AFF3: variants seen among roughly 807,000 people sequenced by gnomAD.
AFF3 encodes the protein AF4/FMR2 family member 3.
In AFF3, 32 loss-of-function variants were observed where a neutral mutation model predicts 129.7. The ratio of observed to expected loss-of-function variants is 0.25; its 90% CI spans 0.19 to 0.33. AFF3 has a LOEUF of 0.33. Among genes scored for constraint, AFF3 ranks in the 10% least tolerant of loss-of-function variants. The probability of loss-of-function intolerance (pLI) is 1.00; values close to 1 mark genes in which losing one functional copy is unlikely to be tolerated. For missense variants in AFF3, 1,373 were observed against 1,592.0 expected (o/e 0.86, Z 2.34); for synonymous variants, 644 against 635.4 (o/e 1.01, Z -0.20).
In AFF3 at chr2:99,551,050, T is replaced by C. The variant is rs1156489981; in HGVS notation, c.*424A>G. The C allele has an allele frequency of 2.4e-6, 1 of 423,304 alleles. No individual in the cohort carries two copies. The highest frequency in any genetic ancestry group is 2.0e-5 in the African/African-American group (1 of 50,194). 26.2% of individuals were successfully genotyped at this position (423,304 alleles called of 1,614,324 possible). ...AGCTTTTGGTGTGCTGTATTGCACC[T>C]GGTTAACTAACCCATGAGATTTTGG... On this transcript the variant is annotated 3_prime_UTR_variant, in exon 25 of 25. Transcript: ENST00000672756.
At chr2:100,044,131 C>A (rs1000053393) in intron 4 of AFF3, among the ~76,000 whole-genome samples, 3 of 152,136 alleles carry the variant, frequency 2.0e-5, no homozygotes, top group African/African-American at 7.2e-5. Context: ...GGGTGGTGTG[C>A]GGCTGTCTTG....
intron 7 of AFF3, among the ~76,000 whole-genome samples, chr2:99,941,301 T>C (rs1675020972): frequency 6.6e-6 from 1 of 152,184 alleles, no homozygotes; most frequent in Non-Finnish European, 1.5e-5. Context: ...TTTAGAGGAT[T>C]GGGCAGCTCT....
rs751452786 is a variant in AFF3 at position 99,594,015 on chromosome 2, G to A, written c.1646C>T (p.Ser549Phe). 1.3e-6 allele frequency: 2 copies of A among 1,581,136 alleles called. No individual in the cohort carries two copies. The highest frequency in any genetic ancestry group is 2.7e-5 in the African/African-American group (2 of 73,628). Residue 549 changes from serine to phenylalanine, a missense_variant, in exon 15 of 25, where the codon TCC becomes TTC. By Grantham distance (155) the Ser-to-Phe change is radical. Around this residue, in one of 9 missense-constraint regions of AFF3, gnomAD observed 413 missense variants for 424.4 expected, o/e 0.97. Transcript: ENST00000672756. ...APGSKGVKQK[S>F]PPAAVAVAVS... The stretch of plus-strand genomic sequence containing the variant: ...CGCCACGGCCACGGCCGCGGGCGGG[G>A]ACTTCTGCTTCACGCCTTTACTCCC...
chr2:99,606,578 T>C lies in AFF3; in HGVS notation c.1185-4957A>G, dbSNP rs118073238. Among the ~76,000 whole-genome samples, 178 of 152,108 alleles carry C rather than the reference T, an allele frequency of 1.2e-3. 1 individual carries two copies. The East Asian group carries it at 0.024, about 21-fold the overall frequency. ...TTTTTTTTTTAAAAAAGAGATTGAA[T>C]CTTTCGAGAAGGTTATAATGTCACT... On this transcript the variant is annotated intron_variant, in intron 13 of 24. Transcript: ENST00000672756.
chr2:99,849,506 T>C (rs1034459852), intron 7 of AFF3, among the ~76,000 whole-genome samples: 2 of 152,152 alleles, frequency 1.3e-5, no homozygotes, highest in African/African-American at 4.8e-5. Flanking sequence ...CTGATTTCTC[T>C]AGACCATACG....
chr2:100,096,493 G>GTT (rs1690307522), intron 4 of AFF3, among the ~76,000 whole-genome samples: 1 of 151,968 alleles, frequency 6.6e-6, no homozygotes, highest in Admixed American at 6.5e-5. Context: ...ACACAAAGGT[G>GTT]TCCCCAAAAC....
chr2:99,662,137 TCA>T (rs1686295186), intron 12 of AFF3, among the ~76,000 whole-genome samples: 1 of 147,528 alleles, frequency 6.8e-6, no homozygotes, highest in African/African-American at 2.6e-5. Context: ...AGACTCTGTC[TCA>T]AAAAAAAAAA....
intron 13 of AFF3, among the ~76,000 whole-genome samples, chr2:99,604,359 A>T (rs948768427): frequency 6.6e-6 from 1 of 152,216 alleles, no homozygotes; most frequent in Non-Finnish European, 1.5e-5. Flanking sequence ...ATCTTTACCA[A>T]ACTAATGCAG....
At chr2:99,602,916 G>C (rs1679976959) in intron 13 of AFF3, among the ~76,000 whole-genome samples, 1 of 152,216 alleles carries the variant, frequency 6.6e-6, no homozygotes, top group African/African-American at 2.4e-5. Context: ...CACCAGACAA[G>C]AAACTGTCTT....
intron 4 of AFF3, among the ~76,000 whole-genome samples, chr2:100,045,223 T>C (rs1408506417): frequency 6.6e-6 from 1 of 151,954 alleles, no homozygotes; most frequent in East Asian, 1.9e-4. Flanking sequence ...GAGAAGACGG[T>C]GAGGTCACTC....
intron 8 of AFF3, among the ~76,000 whole-genome samples, chr2:99,827,229 C>T (rs1003743302): frequency 6.6e-6 from 1 of 152,022 alleles, no homozygotes; most frequent in Non-Finnish European, 1.5e-5. Context: ...TTACCAGACA[C>T]CATGGAAGTA....
chr2:99,666,598 A>T (rs1048701635), intron 12 of AFF3, among the ~76,000 whole-genome samples: 1 of 152,226 alleles, frequency 6.6e-6, no homozygotes, highest in Non-Finnish European at 1.5e-5. Flanking sequence ...CAATTAAAAC[A>T]CAGAAATTGG....
intron 22 of AFF3, 86 bp downstream of exon 22, chr2:99,558,789 G>T: frequency 7.5e-7 from 1 of 1,328,426 alleles, no homozygotes; most frequent in Non-Finnish European, 1.1e-6. Context: ...TAACCCCAAA[G>T]CAATGGAGTC....
chr2:99,995,375 A>G (rs1395988352), intron 7 of AFF3, among the ~76,000 whole-genome samples: 1 of 150,752 alleles, frequency 6.6e-6, no homozygotes, highest in East Asian at 1.9e-4. Flanking sequence ...CTTTTCATCT[A>G]TTCCTTTTTT....
intron 13 of AFF3, among the ~76,000 whole-genome samples, chr2:99,606,942 G>C (rs1296801494): frequency 5.7e-5 from 8 of 140,976 alleles, no homozygotes; most frequent in Non-Finnish European, 6.2e-5. Flanking sequence ...AAAAAAAAGA[G>C]TACTTCAGCA....
Position 99,551,430 on chromosome 2 carries a change from C to T in AFF3, c.*44G>A. On this transcript the variant is annotated 3_prime_UTR_variant, in exon 25 of 25. Coordinates refer to ENST00000672756, the MANE Select transcript of AFF3 (RefSeq NM_001386135.1). ...AGCACAGTGTCCAAAAACGTTGAGCCATCTGTGGAGACCAGAGCCCACTCT... is the reference window on the plus strand; with the variant it reads ...AGCACAGTGTCCAAAAACGTTGAGCTATCTGTGGAGACCAGAGCCCACTCT... The T allele has an allele frequency of 6.2e-7, 1 of 1,611,502 alleles. No homozygotes were observed. The highest frequency in any genetic ancestry group is 1.1e-5 in the South Asian group (1 of 90,904).
intron 2 of AFF3, among the ~76,000 whole-genome samples, chr2:100,117,221 G>T (rs992507123): frequency 1.3e-5 from 2 of 151,878 alleles, no homozygotes. Context: ...TATTTATTTT[G>T]GCCCATTGAT....
At chr2:99,860,502 C>T (rs1002182580) in intron 7 of AFF3, among the ~76,000 whole-genome samples, 1 of 151,276 alleles carries the variant, frequency 6.6e-6, no homozygotes, top group Non-Finnish European at 1.5e-5. Context: ...TGCAGTGAGC[C>T]GAGATGGTGC....
chr2:99,655,245 C>G (rs1387973499), intron 12 of AFF3, among the ~76,000 whole-genome samples: 5 of 151,472 alleles, frequency 3.3e-5, no homozygotes. Context: ...CACACACACA[C>G]ACACACACAC....
Sources: allele counts gnomAD v4.1 joint callset (sites outside exome capture counted in the v4.1 genomes callset), GRCh38; gene constraint gnomAD v4.1.1; regional missense constraint gnomAD v4.1.1; transcripts MANE v1.5; gene names NCBI Gene and HGNC (gene_info 2026-07-23, HGNC 2026-07-21).